LHX8: variants seen among roughly 807,000 people sequenced by gnomAD.
LHX8 encodes LIM homeobox 8, also known as LIM/homeobox protein Lhx8.
LHX8 carries 12 observed loss-of-function variants against 40.3 expected under a neutral mutation model. The observed-to-expected ratio is 0.30, with a 90% CI of 0.19 to 0.48. The LOEUF (loss-of-function observed/expected upper bound fraction) is 0.48, where lower values mean the gene tolerates loss of function less well. Among genes scored for constraint, LHX8 ranks in the 20% least tolerant of loss-of-function variants. The probability of loss-of-function intolerance (pLI) is 0.99; values close to 1 mark genes in which losing one functional copy is unlikely to be tolerated. For synonymous variants in LHX8, 179 were observed against 162.0 expected (o/e 1.10, Z -0.80); for missense variants, 344 against 433.7 (o/e 0.79, Z 1.84).
At chr1:75,135,653 G>T (rs1365216758) in intron 1 of LHX8, among the ~76,000 whole-genome samples, 2 of 152,220 alleles carry the variant, frequency 1.3e-5, no homozygotes, top group Non-Finnish European at 2.9e-5. Flanking sequence ...AACGAAAGCG[G>T]TCTAAGCCCA....
chr1:75,132,178 C>G (rs565474822), upstream of LHX8, among the ~76,000 whole-genome samples: 1 of 152,268 alleles, frequency 6.6e-6, no homozygotes, highest in African/African-American at 2.4e-5. Context: ...AACCGGGCCA[C>G]CAGGAAGAAG....
At chr1:75,171,345 A>C in the LHX8 span, among the ~76,000 whole-genome samples, 1 of 152,098 alleles carries the variant, frequency 6.6e-6, no homozygotes, top group Non-Finnish European at 1.5e-5. Context: ...AGTTACAGAC[A>C]TACTGACTTA....
upstream of LHX8, chr1:75,130,852 A>G (rs1647942959): frequency 5.2e-6 from 5 of 955,400 alleles, no homozygotes; most frequent in South Asian, 6.5e-5. Flanking sequence ...ACCCTGAACC[A>G]AGTGTGACAT....
In LHX8 at chr1:75,154,391, GTT is replaced by G. The variant is rs11354379; in HGVS notation, c.781-2492_781-2491del. 2.7e-3 allele frequency among the ~76,000 whole-genome samples: 392 copies of G among 143,152 alleles called. 2 individuals carry two copies. The highest frequency in any genetic ancestry group is 9.4e-3 in the African/African-American group (364 of 38,684). The allele number at this position is 143,152 out of a possible 152,430, so 93.9% of individuals were successfully genotyped here. A position where few individuals can be genotyped will look rare whatever the true frequency, so the allele number is the denominator to read the frequency against. ...TCATGTTTATTTACAAAGTTTGAGT[GTT>G]TTTTTTTTTCAATCAAAAGATGGTG... On this transcript the variant is annotated intron_variant, in intron 7 of 8. Transcript: ENST00000356261.
At chr1:75,162,828 A>G (rs552474713), downstream of LHX8, among the ~76,000 whole-genome samples, 21 of 152,284 alleles carry the variant, frequency 1.4e-4, no homozygotes, top group Admixed American at 2.6e-4. Flanking sequence ...AAAGAATTGA[A>G]GTATTTCCAT....
At chr1:75,186,686 C>T in the LHX8 span, among the ~76,000 whole-genome samples, 1 of 152,132 alleles carries the variant, frequency 6.6e-6, no homozygotes, top group Admixed American at 6.6e-5. Context: ...TTTCTGAGAA[C>T]TTTGCTTGTT....
At chr1:75,140,918 C>G (rs556580205) in intron 3 of LHX8, 67 bp from the exon 4 acceptor site, 1 of 1,536,562 alleles carries the variant, frequency 6.5e-7, no homozygotes, top group African/African-American at 1.4e-5. Context: ...TTAAATTGCC[C>G]AATACACAAA....
the LHX8 span, among the ~76,000 whole-genome samples, chr1:75,191,250 A>G: frequency 1.1e-3 from 170 of 152,076 alleles, no homozygotes; most frequent in African/African-American, 3.9e-3. Context: ...GAATTTGACA[A>G]GAAGGAAAGG....
At chr1:75,154,263 T>C (rs1324224759) in intron 7 of LHX8, among the ~76,000 whole-genome samples, 2 of 152,154 alleles carry the variant, frequency 1.3e-5, no homozygotes, top group African/African-American at 2.4e-5. Context: ...AGTTACATGA[T>C]ACTTTGTTTT....
chr1:75,148,735 G>A, intron 7 of LHX8, 53 bp downstream of exon 7: 1 of 1,230,530 alleles, frequency 8.1e-7, no homozygotes, highest in African/African-American at 1.5e-5. Context: ...TAGATATTGG[G>A]TCTCCCTATG....
chr1:75,153,470 T>A (rs779946886), intron 7 of LHX8, among the ~76,000 whole-genome samples: 1 of 152,012 alleles, frequency 6.6e-6, no homozygotes, highest in African/African-American at 2.4e-5. Flanking sequence ...TAGAGTGCAA[T>A]GGTGCAGTCT....
At chr1:75,155,445 A>G (rs12088532) in intron 7 of LHX8, among the ~76,000 whole-genome samples, 6,700 of 152,086 alleles carry the variant, frequency 0.044, 492 homozygotes, top group African/African-American at 0.15. Context: ...TGTTTTAGCC[A>G]GGATGGTCTC....
chr1:75,170,373 A>C, the LHX8 span, among the ~76,000 whole-genome samples: 203 of 152,282 alleles, frequency 1.3e-3, no homozygotes, highest in African/African-American at 4.4e-3. Context: ...GTTGGCCAGC[A>C]AGTCAAGCAA....
At chr1:75,181,160 A>G in the LHX8 span, among the ~76,000 whole-genome samples, 1 of 152,198 alleles carries the variant, frequency 6.6e-6, no homozygotes, top group African/African-American at 2.4e-5. Flanking sequence ...TAGGCTACAT[A>G]GGTATCAGGG....
chr1:75,193,561 G>A, the LHX8 span, among the ~76,000 whole-genome samples: 8 of 152,102 alleles, frequency 5.3e-5, no homozygotes, highest in East Asian at 1.9e-4. Context: ...GAAGGTTTCC[G>A]TTTTAATCTA....
chr1:75,192,112 T>C, the LHX8 span, among the ~76,000 whole-genome samples: 1 of 152,238 alleles, frequency 6.6e-6, no homozygotes, highest in Admixed American at 6.5e-5. Context: ...CTATTTCATA[T>C]AGTTGTTTTA....
intron 8 of LHX8, chr1:75,159,518 C>T (rs895413478): frequency 3.3e-5 from 5 of 151,978 alleles, no homozygotes; most frequent in East Asian, 1.9e-4. Context: ...AATCATCCAC[C>T]GACTTCTTAA....
the LHX8 span, among the ~76,000 whole-genome samples, chr1:75,198,467 C>G: frequency 6.6e-6 from 1 of 152,294 alleles, no homozygotes; most frequent in East Asian, 1.9e-4. Flanking sequence ...CTCATGTTAT[C>G]TTTTCAGCAG....
In LHX8 at chr1:75,141,181, T is replaced by G. The variant is rs560143867; in HGVS notation, c.359+75T>G. 1.6e-5 allele frequency: 24 copies of G among 1,515,576 alleles called. No individual in the cohort carries two copies. The South Asian group carries it at 2.4e-4, about 15-fold the overall frequency. 93.9% of individuals were successfully genotyped at this position (1,515,576 alleles called of 1,614,324 possible). A position where few individuals can be genotyped will look rare whatever the true frequency, so the allele number is the denominator to read the frequency against. On this transcript the variant is annotated intron_variant, in intron 4 of 8. Coordinates refer to ENST00000356261, the MANE Select transcript of LHX8 (RefSeq NM_001256114.2). ...AAAGAGACTTTTGTAATAGGCTTTTTCTTGTTCAGTTTTATTTAATGAAGC... is the reference window on the plus strand; with the variant it reads ...AAAGAGACTTTTGTAATAGGCTTTTGCTTGTTCAGTTTTATTTAATGAAGC...
Sources: allele counts gnomAD v4.1 joint callset (sites outside exome capture counted in the v4.1 genomes callset), GRCh38; gene constraint gnomAD v4.1.1; transcripts MANE v1.5; gene names NCBI Gene and HGNC (gene_info 2026-07-23, HGNC 2026-07-21).